CARTPT: variants seen among roughly 807,000 people sequenced by gnomAD.
CARTPT encodes the protein CART prepropeptide, also known as cocaine- and amphetamine-regulated transcript protein.
Under a neutral mutation model 12.2 loss-of-function variants are expected in CARTPT, and 6 were observed. The ratio of observed to expected loss-of-function variants is 0.49; its 90% confidence interval spans 0.27 to 0.97. CARTPT has a LOEUF of 0.97. Among genes scored for constraint, CARTPT ranks in the 50% least tolerant of loss-of-function variants. CARTPT has a pLI of 0.12. For synonymous variants in CARTPT, 75 were observed against 64.1 expected (o/e 1.17, Z -0.82); for missense variants, 135 against 142.0 (o/e 0.95, Z 0.25).
Position 71,720,608 on chromosome 5 carries a change from G to C in CARTPT, c.344G>C (p.Cys115Ser). The change falls in exon 3 of 3, where the codon TGC becomes TCC. Residue 115 changes from cysteine to serine, a missense_variant. Transcript: ENST00000296777. ...TCCTGCAATTCCTTCCTCCTGAAGTGCTTATGAAGGGGCGTCCATTCTCCT... is the reference window on the plus strand; with the variant it reads ...TCCTGCAATTCCTTCCTCCTGAAGTCCTTATGAAGGGGCGTCCATTCTCCT... ...GTSCNSFLLK[C>S]L 1 of 1,606,202 alleles carries C rather than the reference G, an allele frequency of 6.2e-7. No individual in the cohort carries two copies. Among genetic ancestry groups the C allele is most frequent in the Non-Finnish European group, 8.5e-7 (1 of 1,176,244 alleles).
Position 71,719,938 on chromosome 5 carries a change from A to G in CARTPT, c.218A>G (p.Glu73Gly), listed in dbSNP as rs1748672813. ...KLKSKRVPIY[E>G]KKYGQVPMCD... ...AAGAGTAAACGTGTTCCCATCTATG[A>G]GAAGAAGTATGGCCAAGTCCCCATG... The change falls in exon 2 of 3, where the codon GAG becomes GGG. Residue 73 changes from glutamate (E) to glycine (G), a missense_variant. Coordinates refer to ENST00000296777, the MANE Select transcript of CARTPT (RefSeq NM_004291.4). The G allele has an allele frequency of 6.2e-7, 1 of 1,614,058 alleles. No individual in the cohort carries two copies. The highest frequency in any genetic ancestry group is 8.5e-7 in the Non-Finnish European group (1 of 1,180,026).
chr5:71,719,511 C>A lies in CARTPT; in HGVS notation c.159+59C>A, dbSNP rs13178795. ...CTGTCGCCTTGTCTCTTCTCTTGCA[C>A]GCCTCCCTCCTCCCCCCACCCCCAC... On this transcript the variant is annotated intron_variant, in intron 1 of 2. Coordinates refer to ENST00000296777, the MANE Select transcript of CARTPT (RefSeq NM_004291.4). The A allele has an allele frequency of 9.3e-4, 1,485 of 1,588,264 alleles. 4 individuals carry two copies. Among genetic ancestry groups the A allele is most frequent in the Middle Eastern group, 1.3e-3 (8 of 6,020 alleles).
rs77879475 is a variant in CARTPT at position 71,719,387 on chromosome 5, G to T, written c.94G>T (p.Glu32Ter). The T allele has an allele frequency of 2.5e-6, 4 of 1,613,970 alleles. No homozygotes were observed. The highest frequency in any genetic ancestry group is 3.4e-6 in the Non-Finnish European group (4 of 1,180,034). ...LLGTRAQEDA[E>*]LQPRALDIYS... ...GGGTACCCGTGCCCAGGAGGACGCC[G>T]AGCTCCAGCCCCGAGCCCTGGACAT... Residue 32 changes from glutamate (E) to a stop codon, truncating the protein, a stop_gained, in exon 1 of 3, where the codon GAG (glutamate) becomes TAG (stop). Transcript: ENST00000296777. LOFTEE classifies it high-confidence loss of function.
Position 71,720,662 on chromosome 5 carries a change from C to A in CARTPT, c.*47C>A. The A allele has an allele frequency of 7.1e-7, 1 of 1,416,220 alleles. No homozygotes were observed. The highest frequency in any genetic ancestry group is 9.8e-7 in the Non-Finnish European group (1 of 1,017,874). The allele number at this position is 1,416,220 out of a possible 1,614,324, so 87.7% of individuals were successfully genotyped here. On this transcript the variant is annotated 3_prime_UTR_variant, in exon 3 of 3. Transcript: ENST00000296777. ...TACATCCCCATCCCTCTACTTTCCC[C>A]AGAGGACCACACCTTCCTCCCTGGA...
chr5:71,719,505 C>T (rs766124224), intron 1 of CARTPT, 53 bp downstream of exon 1: 7 of 1,601,122 alleles, frequency 4.4e-6, no homozygotes, highest in Non-Finnish European at 6.0e-6. Flanking sequence ...TGTCTCTTCT[C>T]TTGCACGCCT....
At position 71,720,491 on chromosome 5, in the gene CARTPT, A is replaced by G. The variant is rs1436989766; in HGVS notation, c.244-17A>G. 6.2e-7 allele frequency: 1 copy of G among 1,604,458 alleles called. No homozygotes were observed. The highest frequency in any genetic ancestry group is 8.5e-7 in the Non-Finnish European group (1 of 1,175,498). ...GGGTTTGTTCATACTCGATGACCAC[A>G]CATTTTGTTGTTTCAGTGTGACGCC... is the stretch of plus-strand genomic sequence containing the variant. On this transcript the variant is annotated splice_polypyrimidine_tract_variant and intron_variant, in intron 2 of 2. Transcript: ENST00000296777.
intron 2 of CARTPT, among the ~76,000 whole-genome samples, 167 bp from the exon 3 acceptor site, chr5:71,720,340 AT>A (rs1393427316): frequency 9.9e-5 from 15 of 152,226 alleles, no homozygotes; most frequent in Non-Finnish European, 2.2e-4. Flanking sequence ...CACTGAGGTT[AT>A]AAGCACAAGG....
In CARTPT at chr5:71,720,541, G is replaced by C; in HGVS notation, c.277G>C (p.Gly93Arg). Reference protein sequence around the residue: ...DAGEQCAVRKGARIGKLCDCP... With the variant: ...DAGEQCAVRKRARIGKLCDCP... ...CGGTGAGCAGTGTGCAGTGAGGAAA[G>C]GGGCAAGGATCGGGAAGCTGTGTGA... The change falls in exon 3 of 3, where the codon GGG (glycine) becomes CGG (arginine). Residue 93 changes from glycine (G) to arginine (R), a missense_variant. Gly to Arg is a moderately radical substitution (Grantham distance 125). Coordinates refer to ENST00000296777, the MANE Select transcript of CARTPT (RefSeq NM_004291.4). 6.2e-7 allele frequency: 1 copy of C among 1,613,304 alleles called. No individual in the cohort carries two copies. Among genetic ancestry groups the C allele is most frequent in the Non-Finnish European group, 8.5e-7 (1 of 1,179,778 alleles).
chr5:71,720,672 C>A lies in CARTPT; in HGVS notation c.*57C>A. 1 of 1,348,792 alleles carries A rather than the reference C, an allele frequency of 7.4e-7. No individual in the cohort carries two copies. The highest frequency in any genetic ancestry group is 1.0e-6 in the Non-Finnish European group (1 of 957,662). 83.6% of individuals were successfully genotyped at this position (1,348,792 alleles called of 1,614,324 possible). On this transcript the variant is annotated 3_prime_UTR_variant, in exon 3 of 3. Transcript: ENST00000296777. Reference sequence around the variant, plus strand: ...TCCCTCTACTTTCCCCAGAGGACCACACCTTCCTCCCTGGAGTTTGGCTTA... The same window carrying A: ...TCCCTCTACTTTCCCCAGAGGACCAAACCTTCCTCCCTGGAGTTTGGCTTA...
Position 71,719,341 on chromosome 5 carries a change from G to T in CARTPT, c.48G>T (p.Leu16=). The change falls in exon 1 of 3, where the codon CTG becomes CTT. Residue 16 remains leucine, a synonymous_variant. Coordinates refer to ENST00000296777, the MANE Select transcript of CARTPT (RefSeq NM_004291.4). The part of the protein sequence containing the change: ...VRLLPLLGAA[L]LLMLPLLGTR... ...TGCTGCCCCTCCTGGGCGCCGCCCT[G>T]CTGCTGATGCTACCTCTGTTGGGTA... The T allele has an allele frequency of 6.2e-7, 1 of 1,613,830 alleles. No homozygotes were observed. The highest frequency in any genetic ancestry group is 8.5e-7 in the Non-Finnish European group (1 of 1,180,020).
At position 71,719,887 on chromosome 5, in the gene CARTPT, C is replaced by A. The variant is rs751738326; in HGVS notation, c.167C>A (p.Ala56Glu). 1.9e-6 allele frequency: 3 copies of A among 1,614,098 alleles called. No individual in the cohort carries two copies. The highest frequency in any genetic ancestry group is 1.7e-6 in the Non-Finnish European group (2 of 1,179,964). The change falls in exon 2 of 3, where the codon GCG (alanine) becomes GAG (glutamate). Residue 56 changes from alanine to glutamate, a missense_variant. Transcript: ENST00000296777. The stretch of plus-strand genomic sequence containing the variant: ...CGAAGCGGTGTGTTGCAGATCGAAG[C>A]GCTGCAAGAAGTCTTGAAGAAGCTC... ...DASHEKELIE[A>E]LQEVLKKLKS...
intron 2 of CARTPT, 131 bp from the exon 3 acceptor site, chr5:71,720,377 G>T (rs952326608): frequency 9.1e-6 from 7 of 767,654 alleles, no homozygotes; most frequent in Admixed American, 2.0e-5. Context: ...CTGACTGTAC[G>T]TAGACCTCTT....
At chr5:71,720,422 A>T (rs1748684284) in intron 2 of CARTPT, 86 bp from the exon 3 acceptor site, 1 of 1,189,750 alleles carries the variant, frequency 8.4e-7, no homozygotes, top group Non-Finnish European at 1.2e-6. Context: ...CCCTTTCAAG[A>T]GACAGAAATT....
Position 71,720,552 on chromosome 5 carries a change from C to T in CARTPT, c.288C>T (p.Ile96=), listed in dbSNP as rs759335439. The T allele has an allele frequency of 3.7e-6, 6 of 1,613,118 alleles. No individual in the cohort carries two copies. Among genetic ancestry groups the T allele is most frequent in the African/African-American group, 1.3e-5 (1 of 74,904 alleles). ...EQCAVRKGAR[I]GKLCDCPRGT... ...GTGCAGTGAGGAAAGGGGCAAGGAT[C>T]GGGAAGCTGTGTGACTGTCCCCGAG... The change falls in exon 3 of 3, where the codon ATC becomes ATT. Residue 96 remains isoleucine, a synonymous_variant. Coordinates refer to ENST00000296777, the MANE Select transcript of CARTPT (RefSeq NM_004291.4).
rs1748691806 is a variant in CARTPT, at chr5:71,720,702, A to G, written c.*87A>G. The G allele has an allele frequency of 1.9e-6, 2 of 1,043,632 alleles. No homozygotes were observed. Among genetic ancestry groups the G allele is most frequent in the African/African-American group, 1.6e-5 (1 of 63,186 alleles). The allele number at this position is 1,043,632 out of a possible 1,614,324, so 64.6% of individuals were successfully genotyped here. On this transcript the variant is annotated 3_prime_UTR_variant, in exon 3 of 3. Coordinates refer to ENST00000296777, the MANE Select transcript of CARTPT (RefSeq NM_004291.4). ...TCCTCCCTGGAGTTTGGCTTAAGCA[A>G]CAGATAAAGTTTTTATTTTCCTCTG...
chr5:71,719,469 C>A lies in CARTPT; in HGVS notation c.159+17C>A, dbSNP rs1748658823. The A allele has an allele frequency of 2.5e-6, 4 of 1,613,900 alleles. No individual in the cohort carries two copies. Among genetic ancestry groups the A allele is most frequent in the Non-Finnish European group, 3.4e-6 (4 of 1,179,966 alleles). On this transcript the variant is annotated intron_variant, in intron 1 of 2. Transcript: ENST00000296777. ...AAGGAGCTGGTCGGTATTCCCCTCG[C>A]TCTCGACCCCCTTGAGCTGTCGCCT...
Position 71,720,674 on chromosome 5 carries a change from C to T in CARTPT, c.*59C>T, listed in dbSNP as rs1009546193. On this transcript the variant is annotated 3_prime_UTR_variant, in exon 3 of 3. Transcript: ENST00000296777. ...CCTCTACTTTCCCCAGAGGACCACA[C>T]CTTCCTCCCTGGAGTTTGGCTTAAG... 12 of 1,341,142 alleles carry T rather than the reference C, an allele frequency of 8.9e-6. No homozygotes were observed. Among genetic ancestry groups the T allele is most frequent in the East Asian group, 4.9e-5 (2 of 40,996 alleles). The allele number at this position is 1,341,142 out of a possible 1,614,324, so 83.1% of individuals were successfully genotyped here.
rs1800926 is a variant in CARTPT, at chr5:71,720,621, C to G, written c.*6C>G. The G allele has an allele frequency of 4.1e-3, 6,452 of 1,589,438 alleles. 346 individuals are homozygous for G. The Admixed American group carries it at 0.098, about 24-fold the overall frequency. ...TCCTCCTGAAGTGCTTATGAAGGGG[C>G]GTCCATTCTCCTCCATACATCCCCA... On this transcript the variant is annotated 3_prime_UTR_variant, in exon 3 of 3. Coordinates refer to ENST00000296777, the MANE Select transcript of CARTPT (RefSeq NM_004291.4).
chr5:71,719,786 T>C, intron 1 of CARTPT, 94 bp from the exon 2 acceptor site: 1 of 1,163,908 alleles, frequency 8.6e-7, no homozygotes, highest in Non-Finnish European at 1.3e-6. Flanking sequence ...TGCGTGTGGG[T>C]CCGGGGCTCC....
Sources: gnomAD v4.1 joint callset for allele counts (sites outside exome capture counted in the v4.1 genomes callset) on GRCh38, gnomAD v4.1.1 for gene constraint, MANE v1.5 for transcripts, NCBI Gene and HGNC (gene_info 2026-07-23, HGNC 2026-07-21) for gene names.